The following TMEM131 variants were observed in gnomAD, a reference collection of about 807,000 sequenced individuals.
TMEM131 encodes the protein 2610524E03Rik.
A neutral mutation model predicts 211.6 loss-of-function variants in TMEM131; 66 were observed. That is an observed-to-expected ratio of 0.31 (90% CI 0.26 to 0.38). The LOEUF (loss-of-function observed/expected upper bound fraction) is 0.38, where lower values mean the gene tolerates loss of function less well. Ranked by LOEUF, TMEM131 falls within the 10% of genes least tolerant of loss-of-function variation. The pLI, the probability that TMEM131 is intolerant of heterozygous loss-of-function variation, is 1.00. For missense variants in TMEM131, 2,036 were observed against 2,299.3 expected (o/e 0.89, Z 2.34); for synonymous variants, 844 against 841.3 (o/e 1.00, Z -0.06).
chr2:97,898,887 A>G (rs1338177394), intron 3 of TMEM131, among the ~76,000 whole-genome samples: 1 of 151,926 alleles, frequency 6.6e-6, no homozygotes, highest in African/African-American at 2.4e-5. Context: ...TTTTGCTATA[A>G]TCAGAGAGTA....
chr2:97,838,695 G>T (rs897402295), intron 7 of TMEM131, among the ~76,000 whole-genome samples: 11 of 151,936 alleles, frequency 7.2e-5, no homozygotes, highest in African/African-American at 2.7e-4. Context: ...CACCCATCTC[G>T]GCCTCCCAAA....
intron 1 of TMEM131, among the ~76,000 whole-genome samples, chr2:97,988,328 G>A (rs188598816): frequency 1.6e-4 from 24 of 152,260 alleles, no homozygotes; most frequent in Admixed American, 1.2e-3. Context: ...GTTAAAGACC[G>A]AAACATAAGA....
chr2:97,869,618 G>A (rs1674411605), intron 4 of TMEM131, among the ~76,000 whole-genome samples: 1 of 152,190 alleles, frequency 6.6e-6, no homozygotes, highest in African/African-American at 2.4e-5. Context: ...CTAGCTCTGG[G>A]CAGTCCACAC....
At chr2:97,937,772 C>T (rs1044867735) in intron 1 of TMEM131, among the ~76,000 whole-genome samples, 2 of 152,080 alleles carry the variant, frequency 1.3e-5, no homozygotes, top group African/African-American at 4.8e-5. Flanking sequence ...AATTCAATAT[C>T]CCACTTTCAA....
chr2:97,950,401 G>T (rs541572089), intron 1 of TMEM131, among the ~76,000 whole-genome samples: 5 of 152,292 alleles, frequency 3.3e-5, no homozygotes, highest in Admixed American at 3.3e-4. Context: ...AGATAGCAGT[G>T]CTGTGTTTCA....
intron 7 of TMEM131, among the ~76,000 whole-genome samples, chr2:97,838,099 CA>C (rs1683014991): frequency 6.6e-6 from 1 of 152,162 alleles, no homozygotes; most frequent in African/African-American, 2.4e-5. Flanking sequence ...TTTCAATCCA[CA>C]CATTAATGGG....
chr2:97,930,013 T>A (rs1677152457), intron 1 of TMEM131, among the ~76,000 whole-genome samples: 1 of 151,774 alleles, frequency 6.6e-6, no homozygotes, highest in South Asian at 2.1e-4. Context: ...AGCTCACCCA[T>A]CCCATTCCTC....
chr2:97,952,894 A>C (rs936539981), intron 1 of TMEM131, among the ~76,000 whole-genome samples: 1 of 152,182 alleles, frequency 6.6e-6, no homozygotes. Context: ...TAAAACAAAA[A>C]CAAAACAAAC....
chr2:97,872,534 G>A (rs1222183261), intron 4 of TMEM131, among the ~76,000 whole-genome samples: 1 of 152,172 alleles, frequency 6.6e-6, no homozygotes, highest in African/African-American at 2.4e-5. Context: ...GGATGCAGAA[G>A]GCGGGTGACT....
intron 11 of TMEM131, among the ~76,000 whole-genome samples, chr2:97,825,993 C>T (rs993981583): frequency 6.6e-6 from 1 of 152,218 alleles, no homozygotes; most frequent in Non-Finnish European, 1.5e-5. Context: ...ACATGTGTGG[C>T]CCTCAGCCCT....
At chr2:97,964,830 C>T (rs935781338) in intron 1 of TMEM131, among the ~76,000 whole-genome samples, 2 of 152,176 alleles carry the variant, frequency 1.3e-5, no homozygotes, top group African/African-American at 2.4e-5. Context: ...AATTAATACA[C>T]ACTATTATCA....
chr2:97,995,246 G>A (rs375160127), intron 1 of TMEM131, among the ~76,000 whole-genome samples: 2 of 152,242 alleles, frequency 1.3e-5, no homozygotes, highest in South Asian at 4.1e-4. Context: ...AAGTCAGGAA[G>A]TTTTGAAATG....
At chr2:97,780,768 C>T (rs771449730) in intron 31 of TMEM131, among the ~76,000 whole-genome samples, 3 of 152,094 alleles carry the variant, frequency 2.0e-5, no homozygotes, top group South Asian at 2.1e-4. Context: ...CCCAGCTGTA[C>T]GGGAACCACA....
chr2:97,841,745 C>A, intron 7 of TMEM131, 70 bp downstream of exon 7: 1 of 1,448,986 alleles, frequency 6.9e-7, no homozygotes, highest in Non-Finnish European at 9.2e-7. Flanking sequence ...CTGTAACAAA[C>A]TGAGATTTCA....
chr2:97,905,389 C>T (rs1230489173), intron 3 of TMEM131, among the ~76,000 whole-genome samples: 1 of 152,170 alleles, frequency 6.6e-6, no homozygotes, highest in Non-Finnish European at 1.5e-5. Flanking sequence ...TGATTTTCGA[C>T]AACTTGAATA....
chr2:97,839,630 A>C (rs1683102058), intron 7 of TMEM131, among the ~76,000 whole-genome samples: 1 of 152,240 alleles, frequency 6.6e-6, no homozygotes, highest in Non-Finnish European at 1.5e-5. Context: ...ACACGCATGC[A>C]CAAGAGAAAG....
chr2:97,759,157 A>G (rs909196421), intron 39 of TMEM131, 104 bp from the exon 40 acceptor site: 4 of 1,433,344 alleles, frequency 2.8e-6, no homozygotes, highest in South Asian at 1.3e-5. Context: ...CTGCTCCTGG[A>G]GCCACCACAC....
chr2:97,768,298 G>T (rs968903715), intron 33 of TMEM131, among the ~76,000 whole-genome samples: 1 of 152,062 alleles, frequency 6.6e-6, no homozygotes, highest in Non-Finnish European at 1.5e-5. Flanking sequence ...GACTGACAGG[G>T]TTATTTAAAA....
At chr2:97,792,222 T>C (rs562662863) in intron 31 of TMEM131, among the ~76,000 whole-genome samples, 164 bp downstream of exon 31, 2 of 152,354 alleles carry the variant, frequency 1.3e-5, no homozygotes, top group African/African-American at 4.8e-5. Flanking sequence ...ATACCTCTAA[T>C]TGCATTTTTA....
Sources: gnomAD v4.1 joint callset for allele counts (sites outside exome capture counted in the v4.1 genomes callset) on GRCh38, gnomAD v4.1.1 for gene constraint, MANE v1.5 for transcripts, NCBI Gene and HGNC (gene_info 2026-07-23, HGNC 2026-07-21) for gene names.